Variants in ARHGAP6 observed in about 807,000 individuals in gnomAD.
The protein encoded by ARHGAP6 is Rho GTPase activating protein 6.
ARHGAP6 carries 16 observed loss-of-function variants against 55.7 expected under a neutral mutation model. The ratio of observed to expected loss-of-function variants is 0.29; its 90% CI spans 0.19 to 0.44. The LOEUF (loss-of-function observed/expected upper bound fraction) is 0.44, where lower values mean the gene tolerates loss of function less well. Among genes scored for constraint, ARHGAP6 ranks in the 20% least tolerant of loss-of-function variants. The probability of loss-of-function intolerance (pLI) is 1.00; values close to 1 mark genes in which losing one functional copy is unlikely to be tolerated. For synonymous variants in ARHGAP6, 382 were observed against 360.9 expected (o/e 1.06, Z -0.66); for missense variants, 698 against 808.9 (o/e 0.86, Z 1.66).
At chrX:11,530,369 T>G (rs768319215) in intron 1 of ARHGAP6, among the ~76,000 whole-genome samples, 45 of 112,339 alleles carry the variant, frequency 4.0e-4, no homozygotes, top group Non-Finnish European at 7.9e-4. Context: ...CATAATATTG[T>G]GTTTGGTAAG....
chrX:11,427,800 G>A, intron 1 of ARHGAP6: 7 of 751,183 alleles, frequency 9.3e-6, no homozygotes, highest in Non-Finnish European at 1.1e-5. Flanking sequence ...GCAGCGGCGC[G>A]AAGGGGGAGG....
At chrX:11,512,166 G>T (rs903662631) in intron 1 of ARHGAP6, among the ~76,000 whole-genome samples, 11 of 111,643 alleles carry the variant, frequency 9.9e-5, no homozygotes, top group Admixed American at 3.8e-4. Context: ...ATACATTTGG[G>T]GCAAGTTGTG....
intron 1 of ARHGAP6, among the ~76,000 whole-genome samples, chrX:11,361,486 C>G (rs757643921): frequency 0.017 from 1,900 of 110,994 alleles, 24 homozygotes; most frequent in Middle Eastern, 0.037. Context: ...TTCCTTACAC[C>G]TTATACAAAA....
chrX:11,418,628 A>G (rs993090862), intron 1 of ARHGAP6, among the ~76,000 whole-genome samples: 17 of 111,931 alleles, frequency 1.5e-4, no homozygotes, highest in Admixed American at 1.9e-4. Flanking sequence ...TAAAGTAATG[A>G]ACTTTCCAAT....
chrX:11,617,752 CAG>C (rs752409563), intron 1 of ARHGAP6, among the ~76,000 whole-genome samples: 8 of 111,515 alleles, frequency 7.2e-5, no homozygotes, highest in African/African-American at 2.0e-4. Context: ...CTGCTATCTG[CAG>C]AGTCAGGGGC....
chrX:11,445,896 T>C (rs970409137), intron 1 of ARHGAP6, among the ~76,000 whole-genome samples: 3 of 111,007 alleles, frequency 2.7e-5, no homozygotes, highest in African/African-American at 9.8e-5. Flanking sequence ...GGATGGGCCA[T>C]GCACATTCCA....
intron 1 of ARHGAP6, among the ~76,000 whole-genome samples, chrX:11,468,875 T>C (rs771073165): frequency 4.7e-4 from 53 of 112,647 alleles, no homozygotes; most frequent in Middle Eastern, 9.2e-3. Context: ...AATGTGACAG[T>C]ATTTGAGGGT....
intron 2 of ARHGAP6, among the ~76,000 whole-genome samples, chrX:11,240,583 T>C (rs148527575): frequency 0.053 from 5,894 of 111,463 alleles, 110 homozygotes; most frequent in African/African-American, 0.073. Flanking sequence ...GTTATCTGTT[T>C]AAATGTCATC....
intron 2 of ARHGAP6, among the ~76,000 whole-genome samples, chrX:11,199,379 G>A (rs771292250): frequency 1.8e-5 from 2 of 111,683 alleles, no homozygotes; most frequent in Non-Finnish European, 3.8e-5. Context: ...ACTCTCTATG[G>A]TCCCACTCCA....
intron 1 of ARHGAP6, among the ~76,000 whole-genome samples, chrX:11,444,298 G>A (rs778415438): frequency 8.9e-6 from 1 of 112,404 alleles, no homozygotes; most frequent in Non-Finnish European, 1.9e-5. Context: ...CACAGGCAGC[G>A]AATGTTGACC....
At chrX:11,191,319 C>T (rs990440889) in intron 3 of ARHGAP6, among the ~76,000 whole-genome samples, 1 of 111,663 alleles carries the variant, frequency 9.0e-6, no homozygotes, top group Non-Finnish European at 1.9e-5. Flanking sequence ...GCACTGTTGG[C>T]AGGTTGCAGT....
chrX:11,509,044 G>T (rs2050760251), intron 1 of ARHGAP6, among the ~76,000 whole-genome samples: 1 of 111,576 alleles, frequency 9.0e-6, no homozygotes, highest in Non-Finnish European at 1.9e-5. Flanking sequence ...ATCTGAGTTT[G>T]GGTACTAAGT....
intron 1 of ARHGAP6, among the ~76,000 whole-genome samples, chrX:11,559,964 A>AT (rs59435825): frequency 7.5e-5 from 8 of 107,370 alleles, no homozygotes; most frequent in African/African-American, 2.4e-4. Context: ...AATAATAATA[A>AT]AGTAGGAATT....
At chrX:11,523,349 A>G (rs1023026776) in intron 1 of ARHGAP6, among the ~76,000 whole-genome samples, 31 of 110,492 alleles carry the variant, frequency 2.8e-4, no homozygotes, top group Admixed American at 4.9e-4. Context: ...CTCTCTCACC[A>G]CTCCTATTCA....
chrX:11,390,885 C>A (rs966834361), intron 1 of ARHGAP6, among the ~76,000 whole-genome samples: 20 of 111,971 alleles, frequency 1.8e-4, no homozygotes, highest in African/African-American at 5.8e-4. Context: ...ACTAGTTCAA[C>A]CATTGTGGAA....
At chrX:11,647,447 G>A (rs1404288641) in intron 1 of ARHGAP6, among the ~76,000 whole-genome samples, 2 of 112,038 alleles carry the variant, frequency 1.8e-5, no homozygotes, top group Admixed American at 1.9e-4. Context: ...GCCCCGAGGC[G>A]GCAATAAGGA....
chrX:11,331,624 T>G (rs1464049731), intron 1 of ARHGAP6, among the ~76,000 whole-genome samples: 1 of 111,909 alleles, frequency 8.9e-6, no homozygotes, highest in African/African-American at 3.2e-5. Flanking sequence ...AAAACCATGC[T>G]TAAGATAGGC....
At chrX:11,581,346 T>C (rs1426651428) in intron 1 of ARHGAP6, among the ~76,000 whole-genome samples, 1 of 111,962 alleles carries the variant, frequency 8.9e-6, no homozygotes, top group African/African-American at 3.2e-5. Context: ...TGTAAAATGG[T>C]GCAGCAGCTT....
intron 1 of ARHGAP6, among the ~76,000 whole-genome samples, chrX:11,460,142 G>A (rs1263315838): frequency 9.0e-6 from 1 of 110,900 alleles, no homozygotes; most frequent in Non-Finnish European, 1.9e-5. Context: ...ATATTACAGT[G>A]TGTAAGACTC....
Sources: gnomAD v4.1 joint callset for allele counts (sites outside exome capture counted in the v4.1 genomes callset) on GRCh38, gnomAD v4.1.1 for gene constraint, MANE v1.5 for transcripts, NCBI Gene and HGNC (gene_info 2026-07-23, HGNC 2026-07-21) for gene names.